Variants in TRERF1 observed in about 807,000 individuals in gnomAD.
The protein encoded by TRERF1 is transcriptional regulating factor 1.
Under a neutral mutation model 122.9 loss-of-function variants are expected in TRERF1, and 27 were observed. That is an observed-to-expected ratio of 0.22 (90% CI 0.16 to 0.30). The LOEUF (loss-of-function observed/expected upper bound fraction) is 0.30. Among genes scored for constraint, TRERF1 ranks in the 10% least tolerant of loss-of-function variants. The probability of loss-of-function intolerance (pLI) is 1.00; values close to 1 mark genes in which losing one functional copy is unlikely to be tolerated. For synonymous variants in TRERF1, 636 were observed against 641.7 expected (o/e 0.99, Z 0.13); for missense variants, 1,248 against 1,560.3 (o/e 0.80, Z 3.37).
chr6:42,333,697 G>T (rs981977358), intron 3 of TRERF1, among the ~76,000 whole-genome samples: 1 of 152,150 alleles, frequency 6.6e-6, no homozygotes, highest in Admixed American at 6.5e-5. Context: ...TCCAAAAGGG[G>T]CCCCATGACT....
chr6:42,328,332 A>C (rs1764669118), intron 3 of TRERF1, among the ~76,000 whole-genome samples: 1 of 152,108 alleles, frequency 6.6e-6, no homozygotes, highest in Non-Finnish European at 1.5e-5. Context: ...TAAAAAACAA[A>C]CAAACAAACA....
intron 2 of TRERF1, among the ~76,000 whole-genome samples, chr6:42,372,983 T>A (rs995079996): frequency 6.6e-6 from 1 of 152,174 alleles, no homozygotes; most frequent in Non-Finnish European, 1.5e-5. Context: ...CTTGCTAACC[T>A]CTCTCAGCTC....
At chr6:42,346,332 G>C (rs981807221) in intron 3 of TRERF1, among the ~76,000 whole-genome samples, 1 of 152,166 alleles carries the variant, frequency 6.6e-6, no homozygotes, top group Non-Finnish European at 1.5e-5. Flanking sequence ...TGAGCACCAC[G>C]TGTGCACAAA....
intron 3 of TRERF1, among the ~76,000 whole-genome samples, chr6:42,302,159 A>G (rs181557301): frequency 6.6e-5 from 10 of 152,340 alleles, no homozygotes; most frequent in East Asian, 5.8e-4. Context: ...ATTAAAATGC[A>G]CTGGGACATT....
intron 3 of TRERF1, among the ~76,000 whole-genome samples, chr6:42,337,322 A>G (rs989682226): frequency 6.6e-5 from 10 of 152,112 alleles, no homozygotes; most frequent in African/African-American, 2.4e-4. Context: ...ATCTTTTTCC[A>G]CTTGGTCTTT....
At position 42,268,964 on chromosome 6, in the gene TRERF1, G is replaced by A. The variant is rs1779748331; in HGVS notation, c.627C>T (p.His209=). Residue 209 remains histidine, a synonymous_variant, in exon 5 of 18, where the codon CAC becomes CAT. Coordinates refer to ENST00000372922, the Ensembl canonical transcript of TRERF1. This position sits in a 1 kb window ranked among gnomAD's most constrained non-coding sequence, Gnocchi z 4.4. ...TGGACAGCCCACCAGTGAAACCAGG[G>A]TGAGGCTGCTGGGGCACCTGCTGGT... The A allele has an allele frequency of 1.9e-6, 3 of 1,612,372 alleles. No homozygotes were observed. Among genetic ancestry groups the A allele is most frequent in the Non-Finnish European group, 2.5e-6 (3 of 1,178,676 alleles).
At chr6:42,314,659 T>A (rs1039627520) in intron 3 of TRERF1, among the ~76,000 whole-genome samples, 6 of 152,094 alleles carry the variant, frequency 3.9e-5, no homozygotes. Flanking sequence ...AAAAACAAAG[T>A]AGGAAATAGT....
chr6:42,449,537 A>T (rs1788106231), intron 2 of TRERF1, among the ~76,000 whole-genome samples: 1 of 152,148 alleles, frequency 6.6e-6, no homozygotes, highest in Non-Finnish European at 1.5e-5. Context: ...TCATAAATAT[A>T]AGGAAAAAAA....
intron 14 of TRERF1, among the ~76,000 whole-genome samples, chr6:42,245,599 G>A (rs564717803): frequency 1.3e-5 from 2 of 152,300 alleles, no homozygotes; most frequent in Admixed American, 1.3e-4. Flanking sequence ...AGCCAATAAA[G>A]TCAATAAGTT....
intron 3 of TRERF1, among the ~76,000 whole-genome samples, chr6:42,311,638 C>T (rs1172522952): frequency 6.6e-6 from 1 of 151,294 alleles, no homozygotes; most frequent in Non-Finnish European, 1.5e-5. Context: ...TTGTGGCGGG[C>T]GTCTGTAGTC....
At chr6:42,238,711 A>G (rs1306224440) in intron 15 of TRERF1, among the ~76,000 whole-genome samples, 1 of 152,108 alleles carries the variant, frequency 6.6e-6, no homozygotes, top group African/African-American at 2.4e-5. Flanking sequence ...ATTATGAGAA[A>G]TTGGTAAGTC....
At chr6:42,285,811 C>A in intron 4 of TRERF1, among the ~76,000 whole-genome samples, 1 of 151,708 alleles carries the variant, frequency 6.6e-6, no homozygotes, top group South Asian at 2.1e-4. Flanking sequence ...TCATATGGAA[C>A]CAAAAAAGAG....
intron 3 of TRERF1, among the ~76,000 whole-genome samples, chr6:42,319,182 A>G (rs1481023453): frequency 6.6e-6 from 1 of 151,844 alleles, no homozygotes; most frequent in African/African-American, 2.4e-5. Context: ...CCTCCATGAC[A>G]TTTTCACACC....
At chr6:42,352,105 G>A (rs1769566429) in intron 3 of TRERF1, among the ~76,000 whole-genome samples, 2 of 152,126 alleles carry the variant, frequency 1.3e-5, no homozygotes, top group Admixed American at 6.5e-5. Context: ...CCCAGGCTCA[G>A]GTGGTCCTCC....
chr6:42,301,248 G>A (rs1256202956), intron 3 of TRERF1, among the ~76,000 whole-genome samples: 1 of 151,832 alleles, frequency 6.6e-6, no homozygotes, highest in Non-Finnish European at 1.5e-5. Context: ...GTTTTTTTCT[G>A]AGACAGAGTC....
rs1389683247 is a variant in TRERF1, at chr6:42,393,533, G to A, written c.-453-30454C>T. Among the ~76,000 whole-genome samples, 1 of 152,216 alleles carries A rather than the reference G, an allele frequency of 6.6e-6. No homozygotes were observed. Among genetic ancestry groups the A allele is most frequent in the Non-Finnish European group, 1.5e-5 (1 of 68,034 alleles). ...ATTCCCTGCAGAGTGCAAAGGTCAC[G>A]GGAGTGTGCAAGGCCTGGCAAAACC... On this transcript the variant is annotated intron_variant, in intron 2 of 17. Coordinates refer to ENST00000372922, the Ensembl canonical transcript of TRERF1. The surrounding 1 kb of genome is among the most constrained non-coding windows in gnomAD (Gnocchi z 4.1).
At chr6:42,322,129 C>G (rs1763558978) in intron 3 of TRERF1, among the ~76,000 whole-genome samples, 1 of 152,000 alleles carries the variant, frequency 6.6e-6, no homozygotes, top group Non-Finnish European at 1.5e-5. Flanking sequence ...TGTTAAGAAA[C>G]AAGAAATATG....
At chr6:42,354,041 G>C in intron 3 of TRERF1, among the ~76,000 whole-genome samples, 1 of 152,190 alleles carries the variant, frequency 6.6e-6, no homozygotes, top group East Asian at 1.9e-4. Context: ...CCCATTACCA[G>C]CTTGGATGAA....
rs1016034453 is a variant in TRERF1 at position 42,438,568 on chromosome 6, C to G, written c.-454+12609G>C. Among the ~76,000 whole-genome samples, 5 of 151,344 alleles carry G rather than the reference C, an allele frequency of 3.3e-5. No individual in the cohort carries two copies. The South Asian group carries it at 1.0e-3, about 32-fold the overall frequency. On this transcript the variant is annotated intron_variant, in intron 2 of 17. Transcript: ENST00000372922. ...GAGGTTGCAGTCAGCCGAGATCACA[C>G]CACTGCACTCCAGCCTGGGCAACAG...
Sources: gnomAD v4.1 joint callset for allele counts (sites outside exome capture counted in the v4.1 genomes callset) on GRCh38, gnomAD v4.1.1 for gene constraint, Gnocchi (gnomAD v3.1) non-coding constraint, MANE v1.5 for transcripts, NCBI Gene and HGNC (gene_info 2026-07-23, HGNC 2026-07-21) for gene names.